The following NUP35 variants were observed in gnomAD, a reference collection of about 807,000 sequenced individuals.
The protein encoded by NUP35 is nucleoporin 35, also known as nucleoporin NUP35.
A neutral mutation model predicts 41.5 loss-of-function variants in NUP35; 25 were observed. The ratio of observed to expected loss-of-function variants is 0.60; its 90% CI spans 0.44 to 0.84. The LOEUF (loss-of-function observed/expected upper bound fraction) is 0.84. Ranked by LOEUF, NUP35 falls within the 40% of genes least tolerant of loss-of-function variation. The pLI, the probability that NUP35 is intolerant of heterozygous loss-of-function variation, is 0.00. For synonymous variants in NUP35, 149 were observed against 130.7 expected (o/e 1.14, Z -0.96); for missense variants, 396 against 396.6 (o/e 1.00, Z 0.01).
chr2:183,146,177 A>G (rs1225675856), intron 4 of NUP35, among the ~76,000 whole-genome samples: 1 of 151,930 alleles, frequency 6.6e-6, no homozygotes, highest in Non-Finnish European at 1.5e-5. Flanking sequence ...CGGAGGTTGC[A>G]GTGGGCTGAG....
chr2:183,142,595 C>T (rs1685135679), intron 4 of NUP35, among the ~76,000 whole-genome samples: 1 of 151,910 alleles, frequency 6.6e-6, no homozygotes, highest in African/African-American at 2.4e-5. Flanking sequence ...ATTCTTCTGC[C>T]TCAGCCTCCC....
chr2:183,158,386 T>C lies in NUP35; in HGVS notation c.713T>C (p.Ile238Thr). ...DGRIFGESIM[I>T]GVKPCIDKSV... ...AGGATTTTTGGAGAATCCATCATGATTGGTGTAAAACCATGTATTGACAAA... is the reference window on the plus strand; with the variant it reads ...AGGATTTTTGGAGAATCCATCATGACTGGTGTAAAACCATGTATTGACAAA... Residue 238 changes from isoleucine (I) to threonine (T), a missense_variant, in exon 7 of 9, where the codon ATT becomes ACT. By Grantham distance (89) the Ile-to-Thr change is moderately conservative (BLOSUM62 -1). Coordinates refer to ENST00000295119, the MANE Select transcript of NUP35 (RefSeq NM_138285.5). 1 of 1,608,274 alleles carries C rather than the reference T, an allele frequency of 6.2e-7. No individual in the cohort carries two copies. Among genetic ancestry groups the C allele is most frequent in the Non-Finnish European group, 8.5e-7 (1 of 1,176,324 alleles).
At chr2:183,120,445 CAA>C (rs3029530), upstream of NUP35, among the ~76,000 whole-genome samples, 2,558 of 118,258 alleles carry the variant, frequency 0.022, 30 homozygotes, top group Non-Finnish European at 0.032. Flanking sequence ...GACTCCGTCT[CAA>C]AAAAAAAAAA....
At chr2:183,152,156 A>ACAG (rs56941373) in intron 5 of NUP35, among the ~76,000 whole-genome samples, 5,607 of 139,632 alleles carry the variant, frequency 0.04, 190 homozygotes, top group African/African-American at 0.046. Flanking sequence ...CACACACACA[A>ACAG]TGTCACAGGG....
At chr2:183,146,669 T>G (rs1019306841) in intron 4 of NUP35, among the ~76,000 whole-genome samples, 2 of 152,002 alleles carry the variant, frequency 1.3e-5, no homozygotes, top group African/African-American at 2.4e-5. Context: ...CGATGTTGGC[T>G]CACTGCAACC....
chr2:183,126,608 G>GT (rs1425097008), intron 1 of NUP35, among the ~76,000 whole-genome samples: 2 of 148,750 alleles, frequency 1.3e-5, no homozygotes, highest in Non-Finnish European at 3.0e-5. Context: ...TTCACACCTT[G>GT]TTTTAGCATT....
intron 5 of NUP35, among the ~76,000 whole-genome samples, chr2:183,155,894 C>T (rs560661817): frequency 7.2e-5 from 11 of 151,988 alleles, no homozygotes; most frequent in African/African-American, 2.7e-4. Context: ...TATTTTTTTA[C>T]TTTCGTGTTT....
At chr2:183,140,842 A>G (rs1017769399) in intron 4 of NUP35, among the ~76,000 whole-genome samples, 3 of 148,386 alleles carry the variant, frequency 2.0e-5, no homozygotes, top group South Asian at 2.1e-4. Context: ...AAAAAAAAGG[A>G]AAATTAAATA....
At chr2:183,130,871 T>G in intron 3 of NUP35, 1 of 721,168 alleles carries the variant, frequency 1.4e-6, no homozygotes, top group Non-Finnish European at 1.8e-6. Flanking sequence ...GTTTAAGAAG[T>G]TTAATATTTA....
intron 4 of NUP35, among the ~76,000 whole-genome samples, chr2:183,143,262 C>T (rs915209944): frequency 4.7e-5 from 7 of 148,236 alleles, no homozygotes; most frequent in East Asian, 3.9e-4. Context: ...CTTATTGTCT[C>T]GTCTCTTCTA....
chr2:183,122,522 A>G (rs1014470370), upstream of NUP35, among the ~76,000 whole-genome samples: 6 of 152,186 alleles, frequency 3.9e-5, no homozygotes, highest in Non-Finnish European at 8.8e-5. Flanking sequence ...TTTTCATTAT[A>G]TCTATCACAG....
At chr2:183,131,560 T>G (rs763245075) in intron 3 of NUP35, among the ~76,000 whole-genome samples, 2 of 152,208 alleles carry the variant, frequency 1.3e-5, no homozygotes, top group Non-Finnish European at 2.9e-5. Flanking sequence ...GTAAACAGAT[T>G]ACTGTTTCTT....
At chr2:183,158,108 G>C (rs1400432364) in intron 6 of NUP35, among the ~76,000 whole-genome samples, 175 bp from the exon 7 acceptor site, 1 of 152,104 alleles carries the variant, frequency 6.6e-6, no homozygotes, top group Non-Finnish European at 1.5e-5. Flanking sequence ...AGAGAATTGA[G>C]AGATTGTTGA....
intron 4 of NUP35, among the ~76,000 whole-genome samples, chr2:183,142,841 G>T (rs1419209165): frequency 2.0e-5 from 3 of 150,644 alleles, no homozygotes; most frequent in African/African-American, 7.3e-5. Context: ...GTTGTCCTTT[G>T]AATGTACTTA....
At chr2:183,156,403 G>A (rs574614327) in intron 5 of NUP35, among the ~76,000 whole-genome samples, 2 of 152,252 alleles carry the variant, frequency 1.3e-5, no homozygotes, top group East Asian at 1.9e-4. Flanking sequence ...GCAGTGGCAC[G>A]ATCTTGGCGC....
intron 5 of NUP35, among the ~76,000 whole-genome samples, chr2:183,154,853 C>T (rs2105611453): frequency 6.6e-6 from 1 of 152,208 alleles, no homozygotes; most frequent in East Asian, 1.9e-4. Flanking sequence ...ATACCTGAGA[C>T]AGGGAAGAAA....
chr2:183,148,961 T>G (rs962032368), intron 4 of NUP35, among the ~76,000 whole-genome samples: 16 of 152,150 alleles, frequency 1.1e-4, no homozygotes, highest in African/African-American at 3.9e-4. Context: ...TCACAGTAGC[T>G]TTTCCCCCCA....
intron 4 of NUP35, among the ~76,000 whole-genome samples, chr2:183,147,418 C>T (rs1685317456): frequency 6.6e-6 from 1 of 152,032 alleles, no homozygotes; most frequent in South Asian, 2.1e-4. Context: ...GCTAGTTTTC[C>T]TTGCACCATC....
chr2:183,121,958 G>A (rs1030276833), upstream of NUP35, among the ~76,000 whole-genome samples: 2 of 86,756 alleles, frequency 2.3e-5, no homozygotes, highest in Non-Finnish European at 5.7e-5. Flanking sequence ...GGGTACATGT[G>A]CACAACGTGC....
Sources: gnomAD v4.1 joint callset for allele counts (sites outside exome capture counted in the v4.1 genomes callset) on GRCh38, gnomAD v4.1.1 for gene constraint, MANE v1.5 for transcripts, NCBI Gene and HGNC (gene_info 2026-07-23, HGNC 2026-07-21) for gene names.